Variants in TDRKH observed in about 807,000 individuals in gnomAD.
The protein encoded by TDRKH is tudor and KH domain-containing protein.
TDRKH carries 28 observed loss-of-function variants against 61.3 expected under a neutral mutation model. The observed-to-expected ratio is 0.46, with a 90% CI of 0.34 to 0.63. TDRKH has a LOEUF of 0.63. TDRKH is among the 20% of genes least tolerant of loss of function. The pLI is 0.01. For synonymous variants in TDRKH, 219 were observed against 244.4 expected (o/e 0.90, Z 0.97); for missense variants, 540 against 683.4 (o/e 0.79, Z 2.34).
At chr1:151,767,519 G>A, downstream of TDRKH, 1 of 984,640 alleles carries the variant, frequency 1.0e-6, no homozygotes, top group Non-Finnish European at 1.4e-6. Flanking sequence ...GGAAAAGAGG[G>A]AGTGGGGACA....
chr1:151,784,772 T>C (rs1304527920), intron 1 of TDRKH, among the ~76,000 whole-genome samples: 5 of 152,162 alleles, frequency 3.3e-5, no homozygotes, highest in African/African-American at 9.7e-5. Context: ...TTAACTCCTA[T>C]CTAGATGCTG....
chr1:151,779,086 G>A lies in TDRKH; in HGVS notation c.561+17C>T. 6.2e-7 allele frequency: 1 copy of A among 1,613,794 alleles called. No individual in the cohort carries two copies. The highest frequency in any genetic ancestry group is 1.3e-5 in the African/African-American group (1 of 75,002). ...CTTCTCATGCTCAGGTATAATTCAAGTCTATTAGCTACTTGCCTTGGCTGC... is the reference window on the plus strand; with the variant it reads ...CTTCTCATGCTCAGGTATAATTCAAATCTATTAGCTACTTGCCTTGGCTGC... On this transcript the variant is annotated intron_variant, in intron 5 of 12. Transcript: ENST00000368824.
intron 1 of TDRKH, among the ~76,000 whole-genome samples, chr1:151,786,098 CAAAACCTACTGTGG>C (rs1354594014): frequency 1.3e-5 from 2 of 152,114 alleles, no homozygotes; most frequent in Non-Finnish European, 2.9e-5. Flanking sequence ...CTCATTAATA[CAAAACCTACTGTGG>C]AATAAAACTT....
At chr1:151,786,691 C>T (rs1650345236) in intron 1 of TDRKH, among the ~76,000 whole-genome samples, 1 of 152,152 alleles carries the variant, frequency 6.6e-6, no homozygotes, top group South Asian at 2.1e-4. Flanking sequence ...TTTCTATATC[C>T]TGGTTTTAAA....
intron 12 of TDRKH, 55 bp downstream of exon 12, chr1:151,774,655 T>C: frequency 6.2e-7 from 1 of 1,603,454 alleles, no homozygotes; most frequent in African/African-American, 1.3e-5. Context: ...CTGGAAAGAC[T>C]GAATGAGAAA....
At chr1:151,766,855 T>C (rs775615513), downstream of TDRKH, 45 of 1,612,818 alleles carry the variant, frequency 2.8e-5, no homozygotes, top group East Asian at 9.8e-4. Context: ...CGGATCACTC[T>C]CCGGGAGAAG....
chr1:151,787,796 ACT>A (rs1403155973), intron 1 of TDRKH, among the ~76,000 whole-genome samples: 3 of 123,904 alleles, frequency 2.4e-5, no homozygotes, highest in Non-Finnish European at 3.2e-5. Context: ...ACATAGTGAG[ACT>A]CTGTTTCTAC....
intron 1 of TDRKH, among the ~76,000 whole-genome samples, chr1:151,787,313 G>C (rs1003024226): frequency 6.6e-6 from 1 of 152,138 alleles, no homozygotes; most frequent in African/African-American, 2.4e-5. Context: ...CTGCCTCCCG[G>C]GTTCAAGCGA....
At chr1:151,770,939 G>T (rs1648669737), downstream of TDRKH, 1 of 1,245,284 alleles carries the variant, frequency 8.0e-7, no homozygotes, top group Non-Finnish European at 1.1e-6. Context: ...GCCTAGGTCT[G>T]TTGGACTAAA....
At chr1:151,775,755 T>G in intron 9 of TDRKH, 65 bp downstream of exon 9, 1 of 1,563,436 alleles carries the variant, frequency 6.4e-7, no homozygotes, top group Non-Finnish European at 8.7e-7. Context: ...GAGAATTCCT[T>G]CCAATGAACT....
chr1:151,767,815 TC>T (rs1267831702), downstream of TDRKH: 34 of 533,222 alleles, frequency 6.4e-5, no homozygotes, highest in African/African-American at 5.7e-4. Flanking sequence ...GTTATTGTAC[TC>T]CTGGGTTGAA....
chr1:151,786,883 C>G (rs1245393914), intron 1 of TDRKH, among the ~76,000 whole-genome samples: 1 of 152,162 alleles, frequency 6.6e-6, no homozygotes, highest in East Asian at 1.9e-4. Flanking sequence ...GAATACTGTT[C>G]TCTCCCGACC....
At position 151,775,606 on chromosome 1, in the gene TDRKH, G is replaced by A. The variant is rs546865686; in HGVS notation, c.1283-63C>T. The stretch of plus-strand genomic sequence containing the variant: ...GGGGCTTATACCCTGGAGGGAAGTT[G>A]GAACTACCCTTTTCTACTCAGGAAG... On this transcript the variant is annotated intron_variant, in intron 9 of 12. Transcript: ENST00000368824. 7.8e-5 allele frequency: 122 copies of A among 1,555,150 alleles called. 6 individuals carry two copies. In the South Asian group the frequency reaches 1.4e-3, roughly 18 times the overall value.
intron 6 of TDRKH, among the ~76,000 whole-genome samples, chr1:151,777,719 ATTTTTT>A (rs35582886): frequency 7.7e-6 from 1 of 129,702 alleles, no homozygotes; most frequent in Non-Finnish European, 1.6e-5. Flanking sequence ...AAAATAGTTA[ATTTTTT>A]TTTTTTTTTT....
intron 2 of TDRKH, 36 bp from the exon 3 acceptor site, chr1:151,781,623 T>C (rs1287042694): frequency 2.5e-6 from 4 of 1,596,090 alleles, no homozygotes; most frequent in Non-Finnish European, 3.4e-6. Context: ...CAGACTTAGA[T>C]AACACCCAAA....
At position 151,774,167 on chromosome 1, in the gene TDRKH, G is replaced by T; in HGVS notation, c.*285C>A. ...CAGACTATATGTGTAATAAAGGAAG[G>T]ACTGCATGGATCCTTTATCATACAC... On this transcript the variant is annotated 3_prime_UTR_variant, in exon 13 of 13. Coordinates refer to ENST00000368824, the MANE Select transcript of TDRKH (RefSeq NM_001083965.2). 2.4e-6 allele frequency: 1 copy of T among 412,016 alleles called. No homozygotes were observed. Among genetic ancestry groups the T allele is most frequent in the Non-Finnish European group, 4.4e-6 (1 of 229,646 alleles). 25.5% of individuals were successfully genotyped at this position (412,016 alleles called of 1,614,324 possible). A position where few individuals can be genotyped will look rare whatever the true frequency, so the allele number is the denominator to read the frequency against.
Position 151,774,365 on chromosome 1 carries a change from G to T in TDRKH, c.*87C>A. On this transcript the variant is annotated 3_prime_UTR_variant, in exon 13 of 13. Transcript: ENST00000368824. The stretch of plus-strand genomic sequence containing the variant: ...GAATCAAAGCAAGTGCCCCACTGTC[G>T]CCCTCATTACTTTCCTGTTGCTACA... 1.4e-6 allele frequency: 2 copies of T among 1,422,200 alleles called. No individual in the cohort carries two copies. Among genetic ancestry groups the T allele is most frequent in the South Asian group, 1.2e-5 (1 of 81,380 alleles). 88.1% of individuals were successfully genotyped at this position (1,422,200 alleles called of 1,614,324 possible).
At chr1:151,779,357 G>T (rs1239392582) in intron 4 of TDRKH, 115 bp from the exon 5 acceptor site, 4 of 1,337,462 alleles carry the variant, frequency 3.0e-6, no homozygotes, top group Non-Finnish European at 4.0e-6. Context: ...TTTCTAAAGT[G>T]AACAAAATAC....
In TDRKH at chr1:151,774,257, T is replaced by C; in HGVS notation, c.*195A>G. On this transcript the variant is annotated 3_prime_UTR_variant, in exon 13 of 13. Transcript: ENST00000368824. ...CAAAGACAGAAATACACAAAAAGCT[T>C]GAAAGTGCTCAATCTGAGAGCAAGT... The C allele has an allele frequency of 1.7e-6, 1 of 597,334 alleles. No homozygotes were observed. The highest frequency in any genetic ancestry group is 2.9e-6 in the Non-Finnish European group (1 of 342,538). The allele number at this position is 597,334 out of a possible 1,614,324, so 37.0% of individuals were successfully genotyped here. A position where few individuals can be genotyped will look rare whatever the true frequency, so the allele number is the denominator to read the frequency against.
Sources: allele counts gnomAD v4.1 joint callset (sites outside exome capture counted in the v4.1 genomes callset), GRCh38; gene constraint gnomAD v4.1.1; transcripts MANE v1.5; gene names NCBI Gene and HGNC (gene_info 2026-07-23, HGNC 2026-07-21).